Variants in ZNF195 observed in about 807,000 individuals in gnomAD.
The protein encoded by ZNF195 is hypoxia-regulated factor-1.
Under a neutral mutation model 19.5 loss-of-function variants are expected in ZNF195, and 11 were observed. The ratio of observed to expected loss-of-function variants is 0.57; its 90% CI spans 0.36 to 0.94. ZNF195 has a LOEUF of 0.94. Ranked by LOEUF, ZNF195 falls within the 40% of genes least tolerant of loss-of-function variation. The probability of loss-of-function intolerance (pLI) is 0.01; values close to 1 mark genes in which losing one functional copy is unlikely to be tolerated. For synonymous variants in ZNF195, 214 were observed against 248.1 expected (o/e 0.86, Z 1.29); for missense variants, 582 against 709.0 (o/e 0.82, Z 2.03).
chr11:3,369,567 AT>A (rs1181091147), intron 3 of ZNF195: 1 of 434,068 alleles, frequency 2.3e-6, no homozygotes, highest in African/African-American at 2.0e-5. Flanking sequence ...TAAAAAAGGA[AT>A]GAAATCCTGT....
At chr11:3,377,745 T>A (rs935333931) in intron 1 of ZNF195, 1 of 1,071,596 alleles carries the variant, frequency 9.3e-7, no homozygotes, top group Non-Finnish European at 1.2e-6. Flanking sequence ...ATTCACTAGA[T>A]GCTCCAGCAG....
At chr11:3,364,206 A>G (rs1848757378) in intron 3 of ZNF195, among the ~76,000 whole-genome samples, 1 of 152,178 alleles carries the variant, frequency 6.6e-6, no homozygotes, top group South Asian at 2.1e-4. Flanking sequence ...TGATGCCCAT[A>G]ATGCCAGCTT....
chr11:3,362,091 T>C (rs1848663338), intron 3 of ZNF195: 2 of 411,006 alleles, frequency 4.9e-6, no homozygotes, highest in Non-Finnish European at 9.8e-6. Context: ...AAGAAGGGAA[T>C]TGGATGAGAT....
rs1386173621 is a variant in ZNF195, at chr11:3,359,558, G to A, written c.1450C>T (p.His484Tyr). 6.2e-7 allele frequency: 1 copy of A among 1,614,098 alleles called. No individual in the cohort carries two copies. The highest frequency in any genetic ancestry group is 8.5e-7 in the Non-Finnish European group (1 of 1,180,008). Residue 484 changes from histidine (H) to tyrosine (Y), a missense_variant, in exon 6 of 6, where the codon CAT (histidine) becomes TAT (tyrosine). Coordinates refer to ENST00000399602, the MANE Select transcript of ZNF195 (RefSeq NM_001130520.3). The surrounding 1 kb of genome is among the most constrained non-coding windows in gnomAD (Gnocchi z 5.5). ...TTTTCTTCAGAATGAGTTCTCTTATGGTTAGAAAGGCTTGAGCAAGTTCTG... is the reference window on the plus strand; with the variant it reads ...TTTTCTTCAGAATGAGTTCTCTTATAGTTAGAAAGGCTTGAGCAAGTTCTG... ...VFRTCSSLSN[H>Y]KRTHSEEKPY...
Position 3,368,254 on chromosome 11 carries a change from C to A in ZNF195, c.226+2721G>T, listed in dbSNP as rs989081540. Among the ~76,000 whole-genome samples the A allele has an allele frequency of 3.3e-5, 5 of 152,096 alleles. No individual in the cohort carries two copies. The East Asian group carries it at 9.6e-4, about 29-fold the overall frequency. ...ATAGAAAAATGGTGACATAGGTGGA[C>A]CCTGGGTTATATATTCCCCGACAGC... is the stretch of plus-strand genomic sequence containing the variant. On this transcript the variant is annotated intron_variant, in intron 3 of 5. Coordinates refer to ENST00000399602, the MANE Select transcript of ZNF195 (RefSeq NM_001130520.3).
At position 3,360,766 on chromosome 11, in the gene ZNF195, C is replaced by T. The variant is rs373123026; in HGVS notation, c.396G>A (p.Leu132=). Residue 132 remains leucine (L), a synonymous_variant, in exon 5 of 6, where the codon CTG becomes CTA. Coordinates refer to ENST00000399602, the MANE Select transcript of ZNF195 (RefSeq NM_001130520.3). ...ACTCTAAAAACCATTTCACAGTTTG[C>T]AGCACCCCAGGTGAGCACAGTGCTA... is the stretch of plus-strand genomic sequence containing the variant. ...KFTALCSPGV[L]QTVKWFLEFR... 7.9e-4 allele frequency: 1,221 copies of T among 1,551,486 alleles called. 17 individuals are homozygous for T. In the South Asian group the frequency reaches 0.013, roughly 17 times the overall value.
intron 1 of ZNF195, among the ~76,000 whole-genome samples, chr11:3,372,855 C>T (rs1003481487): frequency 6.6e-6 from 1 of 152,182 alleles, no homozygotes; most frequent in Non-Finnish European, 1.5e-5. Context: ...CCTCAGCCTC[C>T]GGAGTAGATG....
At chr11:3,365,132 A>G (rs1355541227) in intron 3 of ZNF195, among the ~76,000 whole-genome samples, 1 of 152,216 alleles carries the variant, frequency 6.6e-6, no homozygotes, top group African/African-American at 2.4e-5. Context: ...TATATCTAAC[A>G]TCAGGGCTCC....
chr11:3,362,027 T>A, intron 3 of ZNF195, 138 bp from the exon 4 acceptor site: 1 of 448,498 alleles, frequency 2.2e-6, no homozygotes, highest in Non-Finnish European at 4.5e-6. Context: ...CCACTGCACT[T>A]CCAGCCTGAG....
At position 3,359,575 on chromosome 11, in the gene ZNF195, C is replaced by T; in HGVS notation, c.1433G>A (p.Cys478Tyr). ...TCTCTTATGGTTAGAAAGGCTTGAG[C>T]AAGTTCTGAAGACCTTCCCACATTC... ...CEECGKVFRT[C>Y]SSLSNHKRTH... The change falls in exon 6 of 6, where the codon TGC becomes TAC. Residue 478 changes from cysteine to tyrosine, a missense_variant. Cys to Tyr is a radical substitution (Grantham distance 194). This residue lies in a region of ZNF195 where 407 missense variants were observed against 530.5 expected (regional missense o/e 0.77). Coordinates refer to ENST00000399602, the MANE Select transcript of ZNF195 (RefSeq NM_001130520.3). This position sits in a 1 kb window ranked among gnomAD's most constrained non-coding sequence, Gnocchi z 5.5. The T allele has an allele frequency of 6.2e-7, 1 of 1,614,004 alleles. No homozygotes were observed. The highest frequency in any genetic ancestry group is 8.5e-7 in the Non-Finnish European group (1 of 1,179,992).
chr11:3,367,403 A>T (rs893134081), intron 3 of ZNF195, among the ~76,000 whole-genome samples: 1 of 152,076 alleles, frequency 6.6e-6, no homozygotes, highest in Non-Finnish European at 1.5e-5. Flanking sequence ...CTAGATAACT[A>T]CAGTATTCAA....
Position 3,359,497 on chromosome 11 carries a change from T to C in ZNF195, c.1511A>G (p.Lys504Arg). The C allele has an allele frequency of 6.2e-7, 1 of 1,614,186 alleles. No individual in the cohort carries two copies. Among genetic ancestry groups the C allele is most frequent in the Non-Finnish European group, 8.5e-7 (1 of 1,180,026 alleles). ...ATGCTTAGTGAGGTCTGATAACTGC[T>C]TAAAGATGTTGCCACATTCTTCACA... ...YTCEECGNIF[K>R]QLSDLTKHKK... The change falls in exon 6 of 6, where the codon AAG (lysine) becomes AGG (arginine). Residue 504 changes from lysine to arginine, a missense_variant. By Grantham distance (26) the Lys-to-Arg change is conservative. Around this residue, in one of 3 missense-constraint regions of ZNF195, gnomAD observed 407 missense variants for 530.5 expected, o/e 0.77. Coordinates refer to ENST00000399602, the MANE Select transcript of ZNF195 (RefSeq NM_001130520.3). The surrounding 1 kb of genome is among the most constrained non-coding windows in gnomAD (Gnocchi z 5.5).
At position 3,359,030 on chromosome 11, in the gene ZNF195, A is replaced by C; in HGVS notation, c.*88T>G. Reference sequence around the variant, plus strand: ...TTTCAATAGTAATTACATTTATGATAACTTTATTAAGTCTGAACTCTGATG... The same window carrying C: ...TTTCAATAGTAATTACATTTATGATCACTTTATTAAGTCTGAACTCTGATG... On this transcript the variant is annotated 3_prime_UTR_variant, in exon 6 of 6. Transcript: ENST00000399602. This position sits in a 1 kb window ranked among gnomAD's most constrained non-coding sequence, Gnocchi z 5.5. 7.2e-7 allele frequency: 1 copy of C among 1,394,848 alleles called. No homozygotes were observed. Among genetic ancestry groups the C allele is most frequent in the Non-Finnish European group, 9.4e-7 (1 of 1,064,822 alleles). 86.4% of individuals were successfully genotyped at this position (1,394,848 alleles called of 1,614,324 possible). A position where few individuals can be genotyped will look rare whatever the true frequency, so the allele number is the denominator to read the frequency against.
chr11:3,378,882 G>A (rs1156647060), intron 1 of ZNF195, among the ~76,000 whole-genome samples, 156 bp downstream of exon 1: 2 of 152,166 alleles, frequency 1.3e-5, no homozygotes, highest in East Asian at 1.9e-4. Flanking sequence ...GGGATGCGCC[G>A]GGGCGCGCGG....
intron 3 of ZNF195, chr11:3,368,917 T>C: frequency 2.2e-6 from 1 of 446,404 alleles, no homozygotes; most frequent in East Asian, 7.0e-5. Context: ...TACACCATAC[T>C]CAAAAATTAA....
intron 3 of ZNF195, chr11:3,368,834 A>G: frequency 2.2e-6 from 1 of 456,102 alleles, no homozygotes; most frequent in Non-Finnish European, 4.4e-6. Context: ...TACAGACAGT[A>G]TAGTCTCTTC....
Position 3,371,662 on chromosome 11 carries a change from C to T in ZNF195, c.45G>A (p.Leu15=), listed in dbSNP as rs753462396. The change falls in exon 2 of 6, where the codon CTG becomes CTA. Residue 15 remains leucine (L), a synonymous_variant. Coordinates refer to ENST00000399602, the MANE Select transcript of ZNF195 (RefSeq NM_001130520.3). The stretch of plus-strand genomic sequence containing the variant: ...CGAGGTCCAGGCATTTCCACTCCTC[C>T]AGGGAGAATTCTATGGCCACATCCC... The part of the protein sequence containing the change: ...TFRDVAIEFS[L]EEWKCLDLAQ... The T allele has an allele frequency of 1.8e-5, 29 of 1,613,018 alleles. No individual in the cohort carries two copies. In the East Asian group the frequency reaches 5.1e-4, roughly 29 times the overall value.
chr11:3,361,715 A>T (rs751148043), intron 4 of ZNF195, 28 bp downstream of exon 4: 3 of 1,299,478 alleles, frequency 2.3e-6, no homozygotes, highest in Non-Finnish European at 3.0e-6. Context: ...GCAAGTGAAA[A>T]GCAAGGTACA....
chr11:3,372,234 T>A (rs1849245841), intron 1 of ZNF195, among the ~76,000 whole-genome samples: 1 of 152,208 alleles, frequency 6.6e-6, no homozygotes. Flanking sequence ...AGATTCTTCA[T>A]CTTCTAAAGC....
Sources: allele counts gnomAD v4.1 joint callset (sites outside exome capture counted in the v4.1 genomes callset), GRCh38; gene constraint gnomAD v4.1.1; regional missense constraint gnomAD v4.1.1; non-coding constraint Gnocchi (gnomAD v3.1); transcripts MANE v1.5; gene names NCBI Gene and HGNC (gene_info 2026-07-23, HGNC 2026-07-21).